The following MIPEP variants were observed in gnomAD, a reference collection of about 807,000 sequenced individuals.
The protein encoded by MIPEP is mitochondrial intermediate peptidase.
MIPEP carries 79 observed loss-of-function variants against 90.3 expected under a neutral mutation model. That is an observed-to-expected ratio of 0.87 (90% confidence interval 0.73 to 1.05). The LOEUF is 1.05. MIPEP is among the 50% of genes least tolerant of loss of function. The pLI is 0.00. For missense variants in MIPEP, 940 were observed against 905.6 expected, an observed-to-expected ratio of 1.04 and a Z score of -0.49; for synonymous variants, 334 against 315.8, an observed-to-expected ratio of 1.06 and a Z score of -0.61.
intron 14 of MIPEP, among the ~76,000 whole-genome samples, chr13:23,828,603 A>C (rs935175174): frequency 6.6e-6 from 1 of 152,242 alleles, no homozygotes; most frequent in Non-Finnish European, 1.5e-5. Context: ...ACGAAGCCCA[A>C]CAAAAGCTGA....
chr13:23,767,847 C>CTTGGTT (rs1952606866), intron 16 of MIPEP, among the ~76,000 whole-genome samples: 1 of 152,128 alleles, frequency 6.6e-6, no homozygotes, highest in Non-Finnish European at 1.5e-5. Flanking sequence ...AGGCTACTGG[C>CTTGGTT]AGAGATTAGT....
intron 18 of MIPEP, among the ~76,000 whole-genome samples, chr13:23,752,248 G>T (rs548760086): frequency 2.0e-5 from 3 of 152,236 alleles, no homozygotes; most frequent in South Asian, 4.2e-4. Context: ...AGTTTACAGA[G>T]GGCAATATGA....
At chr13:23,837,890 C>G (rs1869127616) in intron 12 of MIPEP, 134 bp from the exon 13 acceptor site, 1 of 637,472 alleles carries the variant, frequency 1.6e-6, no homozygotes, top group Non-Finnish European at 2.7e-6. Context: ...CTTATTCTAT[C>G]TATTTACATA....
chr13:23,795,827 C>CA (rs56358765), intron 16 of MIPEP, among the ~76,000 whole-genome samples: 84,579 of 133,454 alleles, frequency 0.63, 26,986 homozygotes, highest in East Asian at 0.75. Context: ...TCATCTCTAC[C>CA]AAAAAAAAAA....
chr13:23,879,440 A>T (rs1421304363), intron 3 of MIPEP, 86 bp from the exon 4 acceptor site: 16 of 714,610 alleles, frequency 2.2e-5, no homozygotes, highest in African/African-American at 5.4e-5. Flanking sequence ...GTCAGCTTGT[A>T]CCACACACAT....
intron 18 of MIPEP, among the ~76,000 whole-genome samples, chr13:23,744,464 C>T (rs911653927): frequency 3.3e-5 from 5 of 152,180 alleles, no homozygotes; most frequent in Non-Finnish European, 7.4e-5. Flanking sequence ...AAATTACCAG[C>T]CCACACAGGT....
intron 18 of MIPEP, among the ~76,000 whole-genome samples, chr13:23,751,451 C>T (rs1179264910): frequency 6.6e-6 from 1 of 152,230 alleles, no homozygotes; most frequent in Admixed American, 6.5e-5. Flanking sequence ...TTAGCTACTA[C>T]TATTTCTTTC....
intron 15 of MIPEP, among the ~76,000 whole-genome samples, chr13:23,808,110 T>TC (rs1358810582): frequency 6.6e-6 from 1 of 151,976 alleles, no homozygotes; most frequent in African/African-American, 2.4e-5. Context: ...TTTTTTGTTT[T>TC]TTTTTTGAGA....
intron 18 of MIPEP, among the ~76,000 whole-genome samples, chr13:23,750,620 C>T (rs758209807): frequency 1.3e-5 from 2 of 152,164 alleles, no homozygotes; most frequent in East Asian, 1.9e-4. Flanking sequence ...TCATTTCCCC[C>T]GCTGTCTCTA....
chr13:23,842,719 A>C (rs1323862337), intron 10 of MIPEP: 3 of 152,584 alleles, frequency 2.0e-5, no homozygotes, highest in Non-Finnish European at 4.4e-5. Flanking sequence ...ACGAATGAGC[A>C]CTGCAAAATG....
intron 4 of MIPEP, among the ~76,000 whole-genome samples, chr13:23,878,963 C>A (rs1229377095): frequency 6.6e-6 from 1 of 152,162 alleles, no homozygotes; most frequent in Non-Finnish European, 1.5e-5. Flanking sequence ...CAAGCCCTAC[C>A]CTCAAGGAGC....
At chr13:23,763,254 C>T (rs1593139764) in intron 16 of MIPEP, among the ~76,000 whole-genome samples, 1 of 152,144 alleles carries the variant, frequency 6.6e-6, no homozygotes, top group Non-Finnish European at 1.5e-5. Flanking sequence ...TAGCCTTTCT[C>T]GTATGAAGCA....
intron 14 of MIPEP, among the ~76,000 whole-genome samples, chr13:23,826,990 G>A (rs764870538): frequency 2.0e-5 from 3 of 152,122 alleles, no homozygotes; most frequent in Non-Finnish European, 2.9e-5. Context: ...TCTATATAGC[G>A]TTTACATTGT....
chr13:23,837,399 C>T (rs1869101291), intron 13 of MIPEP, among the ~76,000 whole-genome samples, 153 bp downstream of exon 13: 2 of 152,128 alleles, frequency 1.3e-5, no homozygotes, highest in Non-Finnish European at 2.9e-5. Flanking sequence ...GGCTGCACAA[C>T]CATGGGGAGG....
At chr13:23,869,013 T>A (rs7335642) in intron 7 of MIPEP, among the ~76,000 whole-genome samples, 1 of 152,208 alleles carries the variant, frequency 6.6e-6, no homozygotes, top group Non-Finnish European at 1.5e-5. Context: ...ACAGAAACTG[T>A]GTTAAAATGA....
Position 23,889,120 on chromosome 13 carries a change from T to A in MIPEP, c.189+12A>T. On this transcript the variant is annotated intron_variant, in intron 1 of 18. Coordinates refer to ENST00000382172, the MANE Select transcript of MIPEP (RefSeq NM_005932.4). ...CTCGGGGACTGAGGGGAGCTCCTCC[T>A]GCGCCGCTCACCCGGCGCTCGCCGA... The A allele has an allele frequency of 7.1e-7, 1 of 1,408,416 alleles. No homozygotes were observed. The highest frequency in any genetic ancestry group is 3.0e-5 in the East Asian group (1 of 33,092). 87.2% of individuals were successfully genotyped at this position (1,408,416 alleles called of 1,614,324 possible).
At chr13:23,802,576 G>A (rs1953056501) in intron 16 of MIPEP, among the ~76,000 whole-genome samples, 1 of 152,120 alleles carries the variant, frequency 6.6e-6, no homozygotes, top group African/African-American at 2.4e-5. Flanking sequence ...TGAAGGCAGG[G>A]GGGGAAGTCA....
intron 16 of MIPEP, among the ~76,000 whole-genome samples, chr13:23,799,781 GAC>G (rs1953012514): frequency 6.6e-6 from 1 of 152,190 alleles, no homozygotes; most frequent in African/African-American, 2.4e-5. Context: ...TAACGAGAAG[GAC>G]CAAATATCAA....
intron 10 of MIPEP, among the ~76,000 whole-genome samples, chr13:23,852,800 G>A (rs1869854412): frequency 6.6e-6 from 1 of 152,216 alleles, no homozygotes; most frequent in Non-Finnish European, 1.5e-5. Flanking sequence ...TTATCACAGG[G>A]GATGGCAGCT....
Sources: gnomAD v4.1 joint callset for allele counts (sites outside exome capture counted in the v4.1 genomes callset) on GRCh38, gnomAD v4.1.1 for gene constraint, MANE v1.5 for transcripts, NCBI Gene and HGNC (gene_info 2026-07-23, HGNC 2026-07-21) for gene names.